Variants in DACH2 observed in about 807,000 individuals in gnomAD.
DACH2 encodes the protein dachshund homolog 2.
DACH2 carries 17 observed loss-of-function variants against 35.8 expected under a neutral mutation model. The ratio of observed to expected loss-of-function variants is 0.48; its 90% CI spans 0.33 to 0.71. The LOEUF is 0.71. DACH2 is among the 30% of genes least tolerant of loss of function. DACH2 has a pLI of 0.02. For missense variants in DACH2, 469 were observed against 472.7 expected (o/e 0.99, Z 0.07); for synonymous variants, 195 against 177.3 (o/e 1.10, Z -0.79).
At chrX:86,404,340 T>G (rs1049055944) in intron 2 of DACH2, among the ~76,000 whole-genome samples, 2 of 111,889 alleles carry the variant, frequency 1.8e-5, no homozygotes, top group African/African-American at 3.3e-5. Context: ...GAAAAGCAAG[T>G]TATTTACTTC....
intron 7 of DACH2, among the ~76,000 whole-genome samples, chrX:86,811,908 T>A (rs936497550): frequency 2.7e-5 from 3 of 111,686 alleles, no homozygotes; most frequent in Non-Finnish European, 3.8e-5. Flanking sequence ...ATTCTACTCA[T>A]AGCTCTTTAT....
At chrX:86,213,776 C>A (rs780669231) in intron 1 of DACH2, among the ~76,000 whole-genome samples, 2 of 110,967 alleles carry the variant, frequency 1.8e-5, no homozygotes, top group South Asian at 7.5e-4. Context: ...ACAATAGCTT[C>A]TTTTCTTCCC....
At chrX:86,310,033 C>T (rs780176471) in intron 1 of DACH2, among the ~76,000 whole-genome samples, 1 of 112,366 alleles carries the variant, frequency 8.9e-6, no homozygotes, top group South Asian at 3.7e-4. Context: ...AGGGGAATCA[C>T]AGCAAAGGCC....
intron 2 of DACH2, among the ~76,000 whole-genome samples, chrX:86,474,915 G>T (rs764838448): frequency 9.0e-6 from 1 of 110,999 alleles, no homozygotes; most frequent in Admixed American, 9.6e-5. Flanking sequence ...TGTATTTTTA[G>T]TAGAGACAGA....
rs986811801 is a variant in DACH2, at chrX:86,480,740, A to G, written c.528-33539A>G. Among the ~76,000 whole-genome samples the G allele has an allele frequency of 2.7e-5, 3 of 112,381 alleles. No homozygotes were observed. The East Asian group carries it at 8.4e-4, about 31-fold the overall frequency. On this transcript the variant is annotated intron_variant, in intron 2 of 11. Transcript: ENST00000373125. ...AGAAGATGTTAGAAATAAAAACCATATAATCTTTTCTGATAAAATAATTCC... is the reference window on the plus strand; with the variant it reads ...AGAAGATGTTAGAAATAAAAACCATGTAATCTTTTCTGATAAAATAATTCC...
intron 4 of DACH2, among the ~76,000 whole-genome samples, chrX:86,666,486 A>T (rs771899333): frequency 2.5e-4 from 28 of 111,663 alleles, no homozygotes; most frequent in African/African-American, 9.1e-4. Flanking sequence ...GAAATAAGAG[A>T]GTGTATTTGA....
At chrX:86,791,679 C>G (rs2042188164) in intron 7 of DACH2, among the ~76,000 whole-genome samples, 1 of 111,417 alleles carries the variant, frequency 9.0e-6, no homozygotes, top group Non-Finnish European at 1.9e-5. Context: ...GACTTTCTGT[C>G]ATATGTAATT....
At chrX:86,450,961 G>A (rs2037367064) in intron 2 of DACH2, among the ~76,000 whole-genome samples, 1 of 111,004 alleles carries the variant, frequency 9.0e-6, no homozygotes. Flanking sequence ...TGTAGACTCT[G>A]GATATTAGAC....
intron 7 of DACH2, among the ~76,000 whole-genome samples, chrX:86,812,453 T>G (rs11798715): frequency 0.33 from 36,338 of 110,802 alleles, 4,797 homozygotes; most frequent in Non-Finnish European, 0.42. Flanking sequence ...TGTAAATTAT[T>G]TTTTGATAAA....
At chrX:86,163,756 T>A (rs961700515) in intron 1 of DACH2, among the ~76,000 whole-genome samples, 6 of 111,790 alleles carry the variant, frequency 5.4e-5, no homozygotes, top group South Asian at 7.5e-4. Flanking sequence ...AGACACAATC[T>A]CATCGTTTTT....
At chrX:86,362,225 A>G (rs2035749065) in intron 1 of DACH2, among the ~76,000 whole-genome samples, 1 of 111,405 alleles carries the variant, frequency 9.0e-6, no homozygotes, top group East Asian at 2.8e-4. Context: ...ATTATGGACC[A>G]GGATGAAGAT....
At chrX:86,637,924 C>T (rs1333628463) in intron 3 of DACH2, among the ~76,000 whole-genome samples, 4 of 111,664 alleles carry the variant, frequency 3.6e-5, no homozygotes, top group East Asian at 2.8e-4. Flanking sequence ...CTAAAATTCA[C>T]GTGGAACCAA....
intron 2 of DACH2, among the ~76,000 whole-genome samples, chrX:86,468,794 G>A (rs1428753367): frequency 9.0e-6 from 1 of 111,293 alleles, no homozygotes; most frequent in Non-Finnish European, 1.9e-5. Flanking sequence ...AAAACAGTAT[G>A]GAGGTTCCTC....
At chrX:86,565,547 CT>C (rs1056086848) in intron 3 of DACH2, among the ~76,000 whole-genome samples, 6 of 111,732 alleles carry the variant, frequency 5.4e-5, no homozygotes, top group African/African-American at 1.9e-4. Flanking sequence ...CCAGTCTTGA[CT>C]GTGAGTATGT....
intron 3 of DACH2, among the ~76,000 whole-genome samples, chrX:86,547,560 CA>C (rs2038993378): frequency 1.8e-5 from 2 of 108,253 alleles, no homozygotes; most frequent in African/African-American, 6.9e-5. Flanking sequence ...CACACACACA[CA>C]CACACACCAC....
At chrX:86,663,248 G>C (rs1194697879) in intron 4 of DACH2, among the ~76,000 whole-genome samples, 2 of 111,575 alleles carry the variant, frequency 1.8e-5, no homozygotes, top group African/African-American at 6.5e-5. Context: ...GAGGGAAGTT[G>C]ATGGGCACAG....
chrX:86,380,824 ATT>A (rs1319869114), intron 2 of DACH2, among the ~76,000 whole-genome samples: 2 of 109,689 alleles, frequency 1.8e-5, no homozygotes, highest in African/African-American at 3.3e-5. Flanking sequence ...TGTTTTTTTA[ATT>A]TTTTGTTTTA....
chrX:86,344,733 G>A (rs983885366), intron 1 of DACH2, among the ~76,000 whole-genome samples: 2 of 110,715 alleles, frequency 1.8e-5, no homozygotes, highest in South Asian at 7.6e-4. Context: ...ATGTACTTGT[G>A]GTGACTTATT....
chrX:86,827,915 A>G (rs2042577350), intron 11 of DACH2: 8 of 707,495 alleles, frequency 1.1e-5, no homozygotes, highest in Non-Finnish European at 1.7e-5. Context: ...TTCATTACTG[A>G]TAAATAGAAC....
Sources: gnomAD v4.1 joint callset for allele counts (sites outside exome capture counted in the v4.1 genomes callset) on GRCh38, gnomAD v4.1.1 for gene constraint, MANE v1.5 for transcripts, NCBI Gene and HGNC (gene_info 2026-07-23, HGNC 2026-07-21) for gene names.